AATF: variants seen among roughly 807,000 people sequenced by gnomAD.
AATF encodes apoptosis antagonizing transcription factor, also known as protein AATF.
AATF carries 48 observed loss-of-function variants against 63.7 expected under a neutral mutation model. That is an observed-to-expected ratio of 0.75 (90% CI 0.60 to 0.96). The LOEUF (loss-of-function observed/expected upper bound fraction) is 0.96. Among genes scored for constraint, AATF ranks in the 40% least tolerant of loss-of-function variants. The probability of loss-of-function intolerance (pLI) is 0.00; values close to 1 mark genes in which losing one functional copy is unlikely to be tolerated. For synonymous variants in AATF, 258 were observed against 247.7 expected (o/e 1.04, Z -0.39); for missense variants, 639 against 685.7 (o/e 0.93, Z 0.76).
chr17:37,036,383 A>G (rs1248735813), intron 11 of AATF, among the ~76,000 whole-genome samples: 2 of 152,100 alleles, frequency 1.3e-5, no homozygotes, highest in Non-Finnish European at 2.9e-5. Flanking sequence ...TGAAACTGGA[A>G]CGTAGCTCAT....
At chr17:36,983,501 C>A (rs1206886273) in intron 4 of AATF, among the ~76,000 whole-genome samples, 1 of 152,128 alleles carries the variant, frequency 6.6e-6, no homozygotes, top group Non-Finnish European at 1.5e-5. Context: ...GCATGCGCCA[C>A]CATACCCGGC....
intron 8 of AATF, among the ~76,000 whole-genome samples, chr17:37,002,527 T>G (rs1163305772): frequency 6.8e-6 from 1 of 147,930 alleles, no homozygotes; most frequent in South Asian, 2.1e-4. Context: ...AAAAAAAAAA[T>G]TAGCCGTGGT....
At chr17:37,014,302 A>G (rs1478113185) in intron 8 of AATF, among the ~76,000 whole-genome samples, 4 of 148,460 alleles carry the variant, frequency 2.7e-5, no homozygotes, top group Non-Finnish European at 3.0e-5. Flanking sequence ...TAATAATAAT[A>G]AGGCTGTATA....
intron 8 of AATF, among the ~76,000 whole-genome samples, chr17:37,004,203 C>T (rs1261950280): frequency 1.3e-5 from 2 of 151,838 alleles, no homozygotes. Context: ...TGGTGGCGGA[C>T]GCCTGTAATC....
At chr17:36,951,646 A>G (rs985018167) in intron 2 of AATF, among the ~76,000 whole-genome samples, 3 of 152,246 alleles carry the variant, frequency 2.0e-5, no homozygotes, top group African/African-American at 7.2e-5. Context: ...TGGAAGAAAC[A>G]TGATTCAAAT....
At chr17:36,977,014 G>T (rs1293918826) in intron 4 of AATF, among the ~76,000 whole-genome samples, 1 of 152,152 alleles carries the variant, frequency 6.6e-6, no homozygotes, top group Non-Finnish European at 1.5e-5. Flanking sequence ...TTAAAATAAA[G>T]AAAATGTTGT....
intron 4 of AATF, among the ~76,000 whole-genome samples, chr17:36,956,609 G>A (rs1027815591): frequency 6.6e-6 from 1 of 151,138 alleles, no homozygotes; most frequent in Non-Finnish European, 1.5e-5. Flanking sequence ...TGAGGCGGAG[G>A]CTGCAGCGAG....
At chr17:36,963,400 A>G (rs1407554102) in intron 4 of AATF, among the ~76,000 whole-genome samples, 2 of 152,222 alleles carry the variant, frequency 1.3e-5, no homozygotes, top group African/African-American at 4.8e-5. Context: ...GGCTAATGTT[A>G]GAGGGGAAAG....
chr17:37,038,538 C>G (rs2071611067), intron 11 of AATF, among the ~76,000 whole-genome samples: 1 of 152,148 alleles, frequency 6.6e-6, no homozygotes, highest in African/African-American at 2.4e-5. Flanking sequence ...TTAAATGCTG[C>G]TTCAAGGAGA....
chr17:37,040,803 C>G (rs1476307657), intron 11 of AATF, among the ~76,000 whole-genome samples: 1 of 151,952 alleles, frequency 6.6e-6, no homozygotes, highest in East Asian at 1.9e-4. Context: ...AAGGTTTTGC[C>G]TGTCAGTCAT....
intron 4 of AATF, among the ~76,000 whole-genome samples, chr17:36,965,237 A>G (rs2070982109): frequency 6.6e-6 from 1 of 152,192 alleles, no homozygotes. Flanking sequence ...AGGTGTCAGC[A>G]GGGCTTTGTT....
chr17:37,050,188 T>G (rs1162653543), intron 11 of AATF, among the ~76,000 whole-genome samples: 2 of 152,098 alleles, frequency 1.3e-5, no homozygotes, highest in African/African-American at 2.4e-5. Context: ...TGGCTGTAAG[T>G]CCTAAAATGA....
At chr17:36,956,964 G>A (rs950006760) in intron 4 of AATF, among the ~76,000 whole-genome samples, 7 of 151,348 alleles carry the variant, frequency 4.6e-5, no homozygotes, top group South Asian at 2.1e-4. Flanking sequence ...CGACAAGAGC[G>A]AAACTGTCCC....
intron 4 of AATF, among the ~76,000 whole-genome samples, chr17:36,954,501 C>T (rs900200946): frequency 1.3e-5 from 2 of 152,164 alleles, no homozygotes; most frequent in Admixed American, 6.5e-5. Context: ...TTAAAAGATG[C>T]TTCCTATGTT....
At chr17:37,048,132 G>A (rs992898181) in intron 11 of AATF, among the ~76,000 whole-genome samples, 1 of 152,064 alleles carries the variant, frequency 6.6e-6, no homozygotes, top group Non-Finnish European at 1.5e-5. Flanking sequence ...ATTATGATGA[G>A]ATTTCAGGAG....
At chr17:37,055,253 G>A (rs2071788284) in intron 11 of AATF, 1 of 152,216 alleles carries the variant, frequency 6.6e-6, no homozygotes, top group South Asian at 2.1e-4. Flanking sequence ...TTCACTGCCT[G>A]TCCCTCCCGC....
At chr17:37,035,969 G>A (rs1001471994) in intron 11 of AATF, among the ~76,000 whole-genome samples, 1 of 151,618 alleles carries the variant, frequency 6.6e-6, no homozygotes, top group Non-Finnish European at 1.5e-5. Flanking sequence ...TATTTTCTGG[G>A]CAGGAATGCA....
rs918204915 is a variant in AATF, at chr17:37,011,380, CA to C, written c.1399-7616del. ...ACAGAGCAAGACTCTGCCTCAAAAA[CA>C]AAAAAAAAGTATGGGGTGAATGAAG... On this transcript the variant is annotated intron_variant, in intron 8 of 11. Transcript: ENST00000619387. Among the ~76,000 whole-genome samples the C allele has an allele frequency of 3.3e-5, 5 of 150,288 alleles. No individual in the cohort carries two copies. In the East Asian group the frequency reaches 5.9e-4, roughly 18 times the overall value.
At chr17:36,984,701 T>C (rs2071153350) in intron 4 of AATF, among the ~76,000 whole-genome samples, 1 of 152,090 alleles carries the variant, frequency 6.6e-6, no homozygotes, top group Admixed American at 6.5e-5. Flanking sequence ...AGTGGCATAA[T>C]TGTAGTTCAC....
Sources: gnomAD v4.1 joint callset for allele counts (sites outside exome capture counted in the v4.1 genomes callset) on GRCh38, gnomAD v4.1.1 for gene constraint, MANE v1.5 for transcripts, NCBI Gene and HGNC (gene_info 2026-07-23, HGNC 2026-07-21) for gene names.